ZSWIM6: variants seen among roughly 807,000 people sequenced by gnomAD.
ZSWIM6 encodes the protein zinc finger SWIM-type containing 6, also known as zinc finger SWIM domain-containing protein 6.
ZSWIM6 carries 9 observed loss-of-function variants against 113.2 expected under a neutral mutation model. The observed-to-expected ratio is 0.08, with a 90% CI of 0.05 to 0.14. ZSWIM6 has a LOEUF of 0.14. Ranked by LOEUF, ZSWIM6 falls within the 10% of genes least tolerant of loss-of-function variation. The pLI, the probability that ZSWIM6 is intolerant of heterozygous loss-of-function variation, is 1.00. For synonymous variants in ZSWIM6, 611 were observed against 606.5 expected, an observed-to-expected ratio of 1.01 and a Z score of -0.11; for missense variants, 1,162 against 1,552.2, an observed-to-expected ratio of 0.75 and a Z score of 4.22.
rs187152486 is a variant in ZSWIM6 at position 61,487,401 on chromosome 5, A to G, written c.1034-3385A>G. Among the ~76,000 whole-genome samples, 41 of 151,992 alleles carry G rather than the reference A, an allele frequency of 2.7e-4. No individual in the cohort carries two copies. In the East Asian group the frequency reaches 7.7e-3, roughly 29 times the overall value. On this transcript the variant is annotated intron_variant, in intron 2 of 13. Coordinates refer to ENST00000252744, the MANE Select transcript of ZSWIM6 (RefSeq NM_020928.2). ...GGCCTCTTTTTTTGGTTCCATATGA[A>G]TTTTAGGATTGTTTGGTCTAATTCT...
intron 1 of ZSWIM6, among the ~76,000 whole-genome samples, chr5:61,405,034 A>C (rs1038394912): frequency 2.0e-5 from 3 of 152,242 alleles, no homozygotes; most frequent in Non-Finnish European, 4.4e-5. Context: ...ATGACAAATA[A>C]GGCCATAAAT....
In ZSWIM6 at chr5:61,332,713, G is replaced by GGGC. The variant is rs864309616; in HGVS notation, c.460_462dup (p.Gly154dup). ...ACGACAGCGGTGGCGGCGGCGGCGC[G>GGGC]GGCGGCGGCGGCGGCGGCGGCTCCT... On this transcript the variant is annotated inframe_insertion, in exon 1 of 14. Coordinates refer to ENST00000252744, the MANE Select transcript of ZSWIM6 (RefSeq NM_020928.2). 1,236 of 928,394 alleles carry GGGC rather than the reference G, an allele frequency of 1.3e-3. 13 individuals are homozygous for GGGC. The African/African-American group carries it at 0.016, about 12-fold the overall frequency. The allele number at this position is 928,394 out of a possible 1,614,324, so 57.5% of individuals were successfully genotyped here.
At chr5:61,494,188 C>T in intron 3 of ZSWIM6, 72 bp from the exon 4 acceptor site, 2 of 1,477,222 alleles carry the variant, frequency 1.4e-6, no homozygotes, top group East Asian at 2.5e-5. Flanking sequence ...TGGTTTGTCT[C>T]TTGTGTTGCT....
intron 4 of ZSWIM6, among the ~76,000 whole-genome samples, chr5:61,497,938 G>A (rs1043378778): frequency 1.3e-5 from 2 of 152,150 alleles, no homozygotes; most frequent in African/African-American, 4.8e-5. Flanking sequence ...GTGCTGATTG[G>A]GGGTGAGCAC....
At chr5:61,514,333 G>A (rs1020620891) in intron 4 of ZSWIM6, among the ~76,000 whole-genome samples, 1 of 151,060 alleles carries the variant, frequency 6.6e-6, no homozygotes, top group Non-Finnish European at 1.5e-5. Flanking sequence ...GGTTCTAGGA[G>A]CAATTTTGTC....
intron 2 of ZSWIM6, among the ~76,000 whole-genome samples, chr5:61,476,424 A>G (rs900272854): frequency 9.2e-5 from 14 of 152,166 alleles, no homozygotes; most frequent in African/African-American, 3.1e-4. Flanking sequence ...TGTCATCATA[A>G]TAGTTCAGTC....
chr5:61,489,388 AGATT>A (rs1188249103), intron 2 of ZSWIM6, among the ~76,000 whole-genome samples: 1 of 152,008 alleles, frequency 6.6e-6, no homozygotes, highest in Non-Finnish European at 1.5e-5. Flanking sequence ...TATGATTATT[AGATT>A]GATATTTATC....
At chr5:61,506,349 G>A (rs77996320) in intron 4 of ZSWIM6, among the ~76,000 whole-genome samples, 3,908 of 152,174 alleles carry the variant, frequency 0.026, 168 homozygotes, top group South Asian at 0.18. Flanking sequence ...TTGGGAGGCC[G>A]AGGCGGGTGG....
chr5:61,434,419 A>G (rs577233732), intron 1 of ZSWIM6, among the ~76,000 whole-genome samples: 6 of 151,778 alleles, frequency 4.0e-5, no homozygotes, highest in South Asian at 4.2e-4. Flanking sequence ...ACTGTACCCA[A>G]TGTGTAGTCT....
At chr5:61,395,388 C>CA (rs1003714246) in intron 1 of ZSWIM6, among the ~76,000 whole-genome samples, 19 of 150,982 alleles carry the variant, frequency 1.3e-4, no homozygotes, top group African/African-American at 4.1e-4. Context: ...TTGTGCAGTG[C>CA]AAAAAAAAGG....
At chr5:61,525,288 G>A (rs888977792) in intron 5 of ZSWIM6, among the ~76,000 whole-genome samples, 1 of 152,138 alleles carries the variant, frequency 6.6e-6, no homozygotes, top group Non-Finnish European at 1.5e-5. Context: ...GTGCAAAACC[G>A]CACAATATAG....
At position 61,513,778 on chromosome 5, in the gene ZSWIM6, A is replaced by G. The variant is rs140588948; in HGVS notation, c.1334-7485A>G. 6.4e-3 allele frequency among the ~76,000 whole-genome samples: 980 copies of G among 152,130 alleles called. 8 individuals carry two copies. The highest frequency in any genetic ancestry group is 0.02 in the African/African-American group (848 of 41,546). On this transcript the variant is annotated intron_variant, in intron 4 of 13. Transcript: ENST00000252744. ...TGAACCTTGAATTGACTATATTTGT[A>G]TAGGTGTATTTCTGAACTCTATTCT...
intron 1 of ZSWIM6, among the ~76,000 whole-genome samples, chr5:61,400,893 C>A (rs1745928686): frequency 6.6e-6 from 1 of 152,096 alleles, no homozygotes. Context: ...TGGTGGGGAA[C>A]CCTGACAGTG....
chr5:61,509,375 A>C (rs183259491), intron 4 of ZSWIM6, among the ~76,000 whole-genome samples: 1 of 152,182 alleles, frequency 6.6e-6, no homozygotes, highest in Non-Finnish European at 1.5e-5. Flanking sequence ...GGCAGAGTGG[A>C]TGGTAGACTA....
intron 1 of ZSWIM6, among the ~76,000 whole-genome samples, chr5:61,470,649 T>G (rs1228929370): frequency 6.6e-6 from 1 of 152,138 alleles, no homozygotes; most frequent in Non-Finnish European, 1.5e-5. Flanking sequence ...TTAAAAGAGA[T>G]AAAGGAGACT....
intron 1 of ZSWIM6, among the ~76,000 whole-genome samples, chr5:61,385,034 TG>T (rs1453935181): frequency 6.6e-6 from 1 of 152,126 alleles, no homozygotes; most frequent in Non-Finnish European, 1.5e-5. Context: ...CACTCCAACC[TG>T]GGAGACAGAG....
At chr5:61,499,441 G>T (rs1748403812) in intron 4 of ZSWIM6, among the ~76,000 whole-genome samples, 2 of 152,186 alleles carry the variant, frequency 1.3e-5, no homozygotes. Context: ...GTAGGTGATA[G>T]TACCAGTAGC....
intron 7 of ZSWIM6, among the ~76,000 whole-genome samples, chr5:61,529,310 C>T (rs914178384): frequency 5.3e-5 from 8 of 152,192 alleles, no homozygotes; most frequent in Non-Finnish European, 1.0e-4. Flanking sequence ...TTAAACATAG[C>T]TTTTTTTCCC....
intron 5 of ZSWIM6, among the ~76,000 whole-genome samples, chr5:61,523,721 A>G (rs1208510798): frequency 1.3e-5 from 2 of 152,212 alleles, no homozygotes; most frequent in Non-Finnish European, 2.9e-5. Flanking sequence ...TATATCTTCT[A>G]TGTCCAGCTA....
Sources: gnomAD v4.1 joint callset for allele counts (sites outside exome capture counted in the v4.1 genomes callset) on GRCh38, gnomAD v4.1.1 for gene constraint, MANE v1.5 for transcripts, NCBI Gene and HGNC (gene_info 2026-07-23, HGNC 2026-07-21) for gene names.